The following IQSEC3 variants were observed in gnomAD, a reference collection of about 807,000 sequenced individuals.
IQSEC3 encodes IQ motif and Sec7 domain ArfGEF 3.
Under a neutral mutation model 105.4 loss-of-function variants are expected in IQSEC3, and 50 were observed. The ratio of observed to expected loss-of-function variants is 0.47; its 90% CI spans 0.38 to 0.60. The LOEUF (loss-of-function observed/expected upper bound fraction) is 0.60, where lower values mean the gene tolerates loss of function less well. Ranked by LOEUF, IQSEC3 falls within the 20% of genes least tolerant of loss-of-function variation. The pLI is 0.00. For missense variants in IQSEC3, 1,415 were observed against 1,630.0 expected, an observed-to-expected ratio of 0.87 and a Z score of 2.27; for synonymous variants, 708 against 746.0, an observed-to-expected ratio of 0.95 and a Z score of 0.83.
intron 5 of IQSEC3, among the ~76,000 whole-genome samples, chr12:153,989 T>G (rs1259069621): frequency 6.6e-6 from 1 of 152,060 alleles, no homozygotes; most frequent in Non-Finnish European, 1.5e-5. Flanking sequence ...CAAACCACCT[T>G]ATGACTCCGC....
intron 5 of IQSEC3, 141 bp downstream of exon 5, chr12:141,426 C>T: frequency 1.2e-6 from 1 of 843,988 alleles, no homozygotes; most frequent in Non-Finnish European, 1.8e-6. Flanking sequence ...AACCAGAATC[C>T]CCTCTTTAGC....
Position 139,079 on chromosome 12 carries a change from G to GGAGGAA in IQSEC3, c.1722_1727dup (p.Glu578_Glu579dup), listed in dbSNP as rs1555088128. ...ATGGGGCCACAGCCCCCAAAACAGA[G>GGAGGAA]GAGGAAGAGGAGGAGGAGGAGACGG... On this transcript the variant is annotated inframe_insertion, in exon 4 of 14. Transcript: ENST00000538872. The GGAGGAA allele has an allele frequency of 1.3e-5, 19 of 1,490,870 alleles. No individual in the cohort carries two copies. Among genetic ancestry groups the GGAGGAA allele is most frequent in the Non-Finnish European group, 1.5e-5 (17 of 1,119,730 alleles). The allele number at this position is 1,490,870 out of a possible 1,614,324, so 92.4% of individuals were successfully genotyped here. A position where few individuals can be genotyped will look rare whatever the true frequency, so the allele number is the denominator to read the frequency against.
rs2136917456 is a variant in IQSEC3 at position 99,219 on chromosome 12, G to A, written c.623+5G>A. 6.3e-7 allele frequency: 1 copy of A among 1,598,022 alleles called. No individual in the cohort carries two copies. Among genetic ancestry groups the A allele is most frequent in the Non-Finnish European group, 8.5e-7 (1 of 1,179,412 alleles). On this transcript the variant is annotated splice_donor_5th_base_variant and intron_variant, in intron 2 of 13. Coordinates refer to ENST00000538872, the MANE Select transcript of IQSEC3 (RefSeq NM_001170738.2). ...CTCCGACCTGGCCTCCCAAAGGTGG[G>A]AACTGTGGCCCTTCCTCCCTTCCGC...
At chr12:79,225 C>T (rs1555070154) in intron 1 of IQSEC3, among the ~76,000 whole-genome samples, 1 of 100,190 alleles carries the variant, frequency 1.0e-5, no homozygotes. Context: ...GGGAGGCCCT[C>T]CCTCACCCCC....
chr12:122,489 T>A (rs1279751090), intron 2 of IQSEC3, among the ~76,000 whole-genome samples: 7 of 152,260 alleles, frequency 4.6e-5, no homozygotes, highest in Admixed American at 3.3e-4. Flanking sequence ...GGCTATTTTT[T>A]AAAATTTGTT....
At chr12:92,618 C>T (rs979776174) in intron 1 of IQSEC3, among the ~76,000 whole-genome samples, 16 of 152,218 alleles carry the variant, frequency 1.1e-4, no homozygotes, top group Admixed American at 2.0e-4. Flanking sequence ...GGGGAGCAGC[C>T]GAGATCCGGG....
chr12:158,804 G>A (rs1024709043), intron 7 of IQSEC3, among the ~76,000 whole-genome samples: 5 of 152,206 alleles, frequency 3.3e-5, no homozygotes, highest in African/African-American at 1.2e-4. Flanking sequence ...GATTACAGGT[G>A]TGCACCACCA....
In IQSEC3 at chr12:141,172, G is replaced by A. The variant is rs201561129; in HGVS notation, c.2040G>A (p.Pro680=). ...IQFLISRGFI[P]DTPIGVAHFL... is the part of the protein sequence containing the mutation. Reference sequence around the variant, plus strand: ...TCCTGATCTCACGCGGCTTCATCCCGGACACCCCCATCGGTGTGGCCCATT... The same window carrying A: ...TCCTGATCTCACGCGGCTTCATCCCAGACACCCCCATCGGTGTGGCCCATT... Residue 680 remains proline, a synonymous_variant, in exon 5 of 14, where the codon CCG becomes CCA. Transcript: ENST00000538872. 68 of 1,412,930 alleles carry A rather than the reference G, an allele frequency of 4.8e-5. No individual in the cohort carries two copies. The highest frequency in any genetic ancestry group is 5.9e-5 in the Admixed American group (3 of 50,912). The allele number at this position is 1,412,930 out of a possible 1,614,324, so 87.5% of individuals were successfully genotyped here.
Position 174,485 on chromosome 12 carries a change from C to G in IQSEC3, c.3115-114C>G, listed in dbSNP as rs1014088125. ...GTGGGTGGAGAGATGGCGAGAGGGT[C>G]AGAGTGAGGGCTGAGAGTGGGAGGG... On this transcript the variant is annotated intron_variant, in intron 13 of 13. Coordinates refer to ENST00000538872, the MANE Select transcript of IQSEC3 (RefSeq NM_001170738.2). 5.1e-6 allele frequency: 5 copies of G among 977,056 alleles called. No homozygotes were observed. The Admixed American group carries it at 1.5e-4, about 29-fold the overall frequency. The allele number at this position is 977,056 out of a possible 1,614,324, so 60.5% of individuals were successfully genotyped here. A position where few individuals can be genotyped will look rare whatever the true frequency, so the allele number is the denominator to read the frequency against.
chr12:168,760 C>T lies in IQSEC3; in HGVS notation c.2972-253C>T, dbSNP rs143656613. On this transcript the variant is annotated intron_variant, in intron 11 of 13. Coordinates refer to ENST00000538872, the MANE Select transcript of IQSEC3 (RefSeq NM_001170738.2). Reference sequence around the variant, plus strand: ...CCCAGGCAGTTCACCTCCCTCACATCGGCCTCTTCTGTGCCTCTCTGACGT... The same window carrying T: ...CCCAGGCAGTTCACCTCCCTCACATTGGCCTCTTCTGTGCCTCTCTGACGT... Among the ~76,000 whole-genome samples the T allele has an allele frequency of 3.0e-3, 455 of 152,250 alleles. 3 individuals carry two copies. Among genetic ancestry groups the T allele is most frequent in the African/African-American group, 0.011 (440 of 41,544 alleles).
chr12:168,086 G>C (rs2137063262), intron 11 of IQSEC3, among the ~76,000 whole-genome samples: 1 of 152,322 alleles, frequency 6.6e-6, no homozygotes, highest in Non-Finnish European at 1.5e-5. Flanking sequence ...CAGAGAGACT[G>C]AAAATGGAGC....
At chr12:70,076 G>A (rs1340610924) in intron 1 of IQSEC3, among the ~76,000 whole-genome samples, 2 of 152,272 alleles carry the variant, frequency 1.3e-5, no homozygotes, top group Non-Finnish European at 1.5e-5. Context: ...TGGGTTTCCT[G>A]TGAATCCTCC....
intron 7 of IQSEC3, among the ~76,000 whole-genome samples, chr12:159,233 G>T (rs4980858): frequency 1.5e-3 from 225 of 152,148 alleles, no homozygotes; most frequent in African/African-American, 5.1e-3. Flanking sequence ...CCCACCCTAC[G>T]TATCAAGCTC....
chr12:137,784 G>T (rs1220207578), intron 3 of IQSEC3, among the ~76,000 whole-genome samples: 1 of 151,618 alleles, frequency 6.6e-6, no homozygotes, highest in East Asian at 1.9e-4. Context: ...CTTCCCAGTA[G>T]CTGAGGACCA....
At chr12:134,622 A>ATG (rs1555085828) in intron 3 of IQSEC3, among the ~76,000 whole-genome samples, 1 of 150,386 alleles carries the variant, frequency 6.6e-6, no homozygotes, top group Non-Finnish European at 1.5e-5. Flanking sequence ...GGCCGGGCGC[A>ATG]GTGGCCCACG....
At position 161,029 on chromosome 12, in the gene IQSEC3, C is replaced by T. The variant is rs547024661; in HGVS notation, c.2444-897C>T. 2.0e-5 allele frequency among the ~76,000 whole-genome samples: 3 copies of T among 152,282 alleles called. No individual in the cohort carries two copies. In the South Asian group the frequency reaches 6.2e-4, roughly 32 times the overall value. On this transcript the variant is annotated intron_variant, in intron 7 of 13. Transcript: ENST00000538872. ...CCCGCCGCCTGATTTCTTTCAGCCT[C>T]CTTGGCTGCTGCATGGCTCATTTGC...
At chr12:120,078 T>A (rs1377293863) in intron 2 of IQSEC3, among the ~76,000 whole-genome samples, 1 of 152,224 alleles carries the variant, frequency 6.6e-6, no homozygotes, top group South Asian at 2.1e-4. Flanking sequence ...CTATAATAAG[T>A]ACCTGTGATA....
intron 12 of IQSEC3, 43 bp from the exon 13 acceptor site, chr12:171,069 C>T (rs534918976): frequency 2.5e-6 from 4 of 1,611,672 alleles, no homozygotes; most frequent in East Asian, 4.5e-5. Flanking sequence ...AGGGGCTTGG[C>T]TCAGCCGGTG....
At chr12:115,966 T>C (rs544298964) in intron 2 of IQSEC3, among the ~76,000 whole-genome samples, 2 of 152,356 alleles carry the variant, frequency 1.3e-5, no homozygotes, top group African/African-American at 4.8e-5. Context: ...GCTAAAGGGT[T>C]GTCCTTTGTT....
Sources: gnomAD v4.1 joint callset for allele counts (sites outside exome capture counted in the v4.1 genomes callset) on GRCh38, gnomAD v4.1.1 for gene constraint, MANE v1.5 for transcripts, NCBI Gene and HGNC (gene_info 2026-07-23, HGNC 2026-07-21) for gene names.